C16orf96: variants seen among roughly 807,000 people sequenced by gnomAD.
C16orf96 encodes the protein uncharacterized protein C16orf96.
In C16orf96, 108 loss-of-function variants were observed where a neutral mutation model predicts 103.6. The ratio of observed to expected loss-of-function variants is 1.04; its 90% CI spans 0.89 to 1.22. The LOEUF (loss-of-function observed/expected upper bound fraction) is 1.22. Among genes scored for constraint, C16orf96 ranks in the 50% most tolerant of loss-of-function variants. The probability of loss-of-function intolerance (pLI) is 0.00; values close to 1 mark genes in which losing one functional copy is unlikely to be tolerated. For synonymous variants in C16orf96, 566 were observed against 593.5 expected, an observed-to-expected ratio of 0.95 and a Z score of 0.67; for missense variants, 1,586 against 1,464.2, an observed-to-expected ratio of 1.08 and a Z score of -1.36.
At position 4,556,774 on chromosome 16, in the gene C16orf96, G is replaced by T; in HGVS notation, c.285G>T (p.Leu95=). 6.4e-7 allele frequency: 1 copy of T among 1,551,710 alleles called. No homozygotes were observed. Among genetic ancestry groups the T allele is most frequent in the Non-Finnish European group, 8.7e-7 (1 of 1,147,010 alleles). ...GCCTCGACAAGTTGGAGAACCAGCT[G>T]GCCCTGCTGCAGGACCTGCCCTCCA... ...VSRLDKLENQ[L]ALLQDLPSTA... The change falls in exon 1 of 16, where the codon CTG becomes CTT. Residue 95 remains leucine (L), a synonymous_variant. Coordinates refer to ENST00000444310, the MANE Select transcript of C16orf96 (RefSeq NM_001145011.2).
the C16orf96 span, among the ~76,000 whole-genome samples, chr16:4,550,857 T>C: frequency 6.6e-6 from 1 of 152,216 alleles, no homozygotes; most frequent in South Asian, 2.1e-4. Flanking sequence ...AATCTTTCTT[T>C]ACACGCAGCA....
In C16orf96 at chr16:4,593,336, C is replaced by G; in HGVS notation, c.2867+20C>G. The G allele has an allele frequency of 6.5e-7, 1 of 1,546,982 alleles. No individual in the cohort carries two copies. On this transcript the variant is annotated intron_variant, in intron 12 of 15. Coordinates refer to ENST00000444310, the MANE Select transcript of C16orf96 (RefSeq NM_001145011.2). This position sits in a 1 kb window ranked among gnomAD's most constrained non-coding sequence, Gnocchi z 4.2. ...GATGAGGTGAGCAGGATGGGCGCCC[C>G]GCAGGGAGGCCGCCCCGCATGGAGG...
chr16:4,584,397 G>A (rs1178231846), intron 7 of C16orf96, among the ~76,000 whole-genome samples: 2 of 131,436 alleles, frequency 1.5e-5, no homozygotes, highest in African/African-American at 5.7e-5. Flanking sequence ...GCCCAGCCTG[G>A]AGTGCAGTGG....
chr16:4,592,545 A>T (rs1332433434), intron 11 of C16orf96, among the ~76,000 whole-genome samples, 178 bp downstream of exon 11: 1 of 152,010 alleles, frequency 6.6e-6, no homozygotes, highest in Non-Finnish European at 1.5e-5. Context: ...TCTATGCACC[A>T]GGTATCTACA....
intron 1 of C16orf96, among the ~76,000 whole-genome samples, chr16:4,565,910 A>G (rs1191396714): frequency 2.0e-5 from 3 of 152,158 alleles, no homozygotes; most frequent in Non-Finnish European, 4.4e-5. Context: ...TGGTGCCACC[A>G]TAGCTCACTG....
chr16:4,559,694 A>C (rs974571690), intron 1 of C16orf96, among the ~76,000 whole-genome samples: 7 of 152,152 alleles, frequency 4.6e-5, no homozygotes, highest in African/African-American at 1.7e-4. Context: ...GCAGCCAGCC[A>C]CCTCTATCTA....
the C16orf96 span, among the ~76,000 whole-genome samples, chr16:4,551,330 C>T: frequency 4.6e-5 from 7 of 152,050 alleles, no homozygotes; most frequent in Non-Finnish European, 1.0e-4. Flanking sequence ...ACTGGCCACA[C>T]CAGCGTGCCC....
chr16:4,593,344 G>A lies in C16orf96; in HGVS notation c.2867+28G>A. On this transcript the variant is annotated intron_variant, in intron 12 of 15. Transcript: ENST00000444310. This position sits in a 1 kb window ranked among gnomAD's most constrained non-coding sequence, Gnocchi z 4.2. ...GAGCAGGATGGGCGCCCCGCAGGGAGGCCGCCCCGCATGGAGGCCACTCTG... is the reference window on the plus strand; with the variant it reads ...GAGCAGGATGGGCGCCCCGCAGGGAAGCCGCCCCGCATGGAGGCCACTCTG... The A allele has an allele frequency of 6.5e-7, 1 of 1,542,972 alleles. No individual in the cohort carries two copies. Among genetic ancestry groups the A allele is most frequent in the Non-Finnish European group, 8.8e-7 (1 of 1,141,994 alleles).
chr16:4,541,732 AGGT>A, the C16orf96 span, among the ~76,000 whole-genome samples: 1 of 152,232 alleles, frequency 6.6e-6, no homozygotes, highest in Admixed American at 6.5e-5. Flanking sequence ...CAGTGCAAGA[AGGT>A]GGTGATTTGC....
At chr16:4,543,575 T>C in the C16orf96 span, among the ~76,000 whole-genome samples, 1 of 152,182 alleles carries the variant, frequency 6.6e-6, no homozygotes, top group African/African-American at 2.4e-5. Context: ...TCCTCTCACC[T>C]TGGCCACCCA....
rs61165645 is a variant in C16orf96 at position 4,558,295 on chromosome 16, G to A, written c.420+1386G>A. ...CCGACCAGCACGTGGACAGTGTTCA[G>A]TTACTGGCAGCCCAAGAAGAAATAA... On this transcript the variant is annotated intron_variant, in intron 1 of 15. Coordinates refer to ENST00000444310, the MANE Select transcript of C16orf96 (RefSeq NM_001145011.2). 4.6e-3 allele frequency among the ~76,000 whole-genome samples: 705 copies of A among 152,294 alleles called. 4 individuals are homozygous for A. The highest frequency in any genetic ancestry group is 0.016 in the African/African-American group (655 of 41,560).
chr16:4,572,342 C>T (rs1334739676), intron 2 of C16orf96, among the ~76,000 whole-genome samples: 1 of 133,866 alleles, frequency 7.5e-6, no homozygotes, highest in African/African-American at 2.8e-5. Flanking sequence ...CTCTGTTGCC[C>T]AGGCTGGAGT....
the C16orf96 span, among the ~76,000 whole-genome samples, chr16:4,543,072 C>T: frequency 8.5e-5 from 13 of 152,102 alleles, no homozygotes; most frequent in Admixed American, 6.6e-5. Flanking sequence ...CAGTCCAGCA[C>T]GGGAGACTAA....
Position 4,563,212 on chromosome 16 carries a change from C to T in C16orf96, c.420+6303C>T, listed in dbSNP as rs576053699. ...TAGGCATCGCTTCGCTCGGCTCTAG[C>T]AGTGGAACACCCTCTTGCTCGTTCG... On this transcript the variant is annotated intron_variant, in intron 1 of 15. Transcript: ENST00000444310. The T allele has an allele frequency of 4.9e-4, 292 of 591,526 alleles. 1 individual carries two copies. In the African/African-American group the frequency reaches 5.0e-3, roughly 10 times the overall value. 36.6% of individuals were successfully genotyped at this position (591,526 alleles called of 1,614,324 possible). A position where few individuals can be genotyped will look rare whatever the true frequency, so the allele number is the denominator to read the frequency against.
chr16:4,577,544 A>G (rs1234029853), intron 5 of C16orf96, among the ~76,000 whole-genome samples: 4 of 150,198 alleles, frequency 2.7e-5, no homozygotes, highest in Admixed American at 2.0e-4. Context: ...CCAGCTACTC[A>G]GGAGGCTGAG....
At chr16:4,568,863 C>G (rs2141707395) in intron 1 of C16orf96, among the ~76,000 whole-genome samples, 1 of 151,928 alleles carries the variant, frequency 6.6e-6, no homozygotes, top group South Asian at 2.1e-4. Context: ...CTCCTGGGCT[C>G]AAGTGATCCA....
chr16:4,599,465 TG>T, intron 15 of C16orf96, 101 bp downstream of exon 15: 1 of 1,030,022 alleles, frequency 9.7e-7, no homozygotes, highest in Admixed American at 2.0e-5. Flanking sequence ...TGGGCTCTCC[TG>T]TCCACCTCCT....
intron 7 of C16orf96, among the ~76,000 whole-genome samples, chr16:4,584,169 C>G (rs1472674313): frequency 6.6e-6 from 1 of 152,016 alleles, no homozygotes; most frequent in Non-Finnish European, 1.5e-5. Context: ...TGCTCTCCAC[C>G]ATGTGACTTA....
chr16:4,547,689 C>CTTTCTTTCTTTCTTTCTTTCTTTCT, the C16orf96 span, among the ~76,000 whole-genome samples: 6 of 22,584 alleles, frequency 2.7e-4, no homozygotes, highest in African/African-American at 6.4e-4. Context: ...TCCTTCCTTC[C>CTTTCTTTCTTTCTTTCTTTCTTTCT]TTCTTTCTTT....
Sources: allele counts gnomAD v4.1 joint callset (sites outside exome capture counted in the v4.1 genomes callset), GRCh38; gene constraint gnomAD v4.1.1; non-coding constraint Gnocchi (gnomAD v3.1); transcripts MANE v1.5; gene names NCBI Gene and HGNC (gene_info 2026-07-23, HGNC 2026-07-21).